Variants in ALK observed in about 807,000 individuals in gnomAD.
The protein encoded by ALK is ALK receptor tyrosine kinase, also known as ALK tyrosine kinase receptor.
ALK carries 74 observed loss-of-function variants against 163.1 expected under a neutral mutation model. The observed-to-expected ratio is 0.45, with a 90% CI of 0.38 to 0.55. The LOEUF (loss-of-function observed/expected upper bound fraction) is 0.55. Ranked by LOEUF, ALK falls within the 20% of genes least tolerant of loss-of-function variation. The probability of loss-of-function intolerance (pLI) is 0.00; values close to 1 mark genes in which losing one functional copy is unlikely to be tolerated. For synonymous variants in ALK, 960 were observed against 843.2 expected (o/e 1.14, Z -2.40); for missense variants, 2,063 against 2,105.3 (o/e 0.98, Z 0.39).
chr2:29,715,349 G>T (rs536517196), intron 2 of ALK, among the ~76,000 whole-genome samples: 2 of 152,182 alleles, frequency 1.3e-5, no homozygotes, highest in Admixed American at 1.3e-4. Flanking sequence ...TGCCAAGAAG[G>T]GAAATCATGA....
At chr2:29,302,479 T>C (rs11127214) in intron 8 of ALK, among the ~76,000 whole-genome samples, 112,937 of 151,912 alleles carry the variant, frequency 0.74, 43,057 homozygotes, top group East Asian at 0.85. Context: ...GATTGCATCA[T>C]TGCACTCCAG....
At chr2:29,374,336 G>A (rs1207146057) in intron 5 of ALK, among the ~76,000 whole-genome samples, 4 of 151,872 alleles carry the variant, frequency 2.6e-5, no homozygotes, top group Admixed American at 6.6e-5. Flanking sequence ...GGTGGTGAGC[G>A]ATGGAGCTGG....
chr2:29,267,494 G>C (rs537625349), intron 11 of ALK, among the ~76,000 whole-genome samples: 1 of 152,212 alleles, frequency 6.6e-6, no homozygotes, highest in South Asian at 2.1e-4. Context: ...TACACACTTT[G>C]GCCTCCTCAT....
At chr2:29,906,807 C>T (rs140157040) in intron 1 of ALK, among the ~76,000 whole-genome samples, 213 of 152,230 alleles carry the variant, frequency 1.4e-3, no homozygotes, top group African/African-American at 4.8e-3. Context: ...TAGCTGTTAT[C>T]ATTAAATTAC....
At position 29,471,950 on chromosome 2, in the gene ALK, C is replaced by T. The variant is rs1198163738; in HGVS notation, c.1154+59965G>A. Among the ~76,000 whole-genome samples the T allele has an allele frequency of 2.0e-5, 3 of 152,248 alleles. No individual in the cohort carries two copies. The East Asian group carries it at 5.8e-4, about 29-fold the overall frequency. On this transcript the variant is annotated intron_variant, in intron 4 of 28. Transcript: ENST00000389048. Reference sequence around the variant, plus strand: ...TAGAGATGGGGTTTTACCATGTTGGCCAGGCTGGCCTCAAACTCCTGACCT... The same window carrying T: ...TAGAGATGGGGTTTTACCATGTTGGTCAGGCTGGCCTCAAACTCCTGACCT...
intron 1 of ALK, chr2:29,892,330 G>T (rs1168992690): frequency 6.6e-6 from 1 of 152,210 alleles, no homozygotes; most frequent in Non-Finnish European, 1.5e-5. Context: ...CTGAAGAAGA[G>T]CAGCAGCCAT....
chr2:29,823,195 C>T (rs1665098123), intron 1 of ALK, among the ~76,000 whole-genome samples: 1 of 152,180 alleles, frequency 6.6e-6, no homozygotes, highest in Non-Finnish European at 1.5e-5. Context: ...TGATTTGCTC[C>T]TGCTTGCCTT....
intron 3 of ALK, among the ~76,000 whole-genome samples, chr2:29,641,924 C>T (rs905765680): frequency 1.3e-5 from 2 of 152,152 alleles, no homozygotes; most frequent in African/African-American, 4.8e-5. Context: ...TTTGTGGTTT[C>T]CAAACCCAGG....
At chr2:29,386,930 C>T (rs77591536) in intron 4 of ALK, among the ~76,000 whole-genome samples, 3,105 of 152,298 alleles carry the variant, frequency 0.02, 64 homozygotes, top group African/African-American at 0.044. Context: ...TGCTTACACC[C>T]AAGTGGTCAC....
intron 4 of ALK, among the ~76,000 whole-genome samples, chr2:29,387,445 A>G (rs1669058528): frequency 6.6e-6 from 1 of 152,208 alleles, no homozygotes; most frequent in South Asian, 2.1e-4. Flanking sequence ...GTGAATATCA[A>G]GGTCCATTTC....
Position 29,222,428 on chromosome 2 carries a change from G to A in ALK, c.3451-20C>T, listed in dbSNP as rs1225272641. On this transcript the variant is annotated intron_variant, in intron 21 of 28. Coordinates refer to ENST00000389048, the MANE Select transcript of ALK (RefSeq NM_004304.5). ...CAGCGTCTGGGCAGAGAAGGGGAGG[G>A]TGGGGAGGAGGAGGAGGCTGTGAGC... The A allele has an allele frequency of 2.9e-5, 46 of 1,613,772 alleles. No individual in the cohort carries two copies. The Middle Eastern group carries it at 6.6e-4, about 23-fold the overall frequency.
rs565628214 is a variant in ALK at position 29,576,815 on chromosome 2, G to T, written c.953-44699C>A. ...CACATTCGGGGGATCTAGGTTGCATGCTCCTTATGAGAATCTAATGCCTGA... is the reference window on the plus strand; with the variant it reads ...CACATTCGGGGGATCTAGGTTGCATTCTCCTTATGAGAATCTAATGCCTGA... On this transcript the variant is annotated intron_variant, in intron 3 of 28. Coordinates refer to ENST00000389048, the MANE Select transcript of ALK (RefSeq NM_004304.5). Among the ~76,000 whole-genome samples the T allele has an allele frequency of 2.0e-5, 3 of 151,974 alleles. No individual in the cohort carries two copies. In the East Asian group the frequency reaches 5.8e-4, roughly 29 times the overall value.
At chr2:29,795,490 T>A (rs1664285832) in intron 1 of ALK, among the ~76,000 whole-genome samples, 1 of 152,136 alleles carries the variant, frequency 6.6e-6, no homozygotes, top group Non-Finnish European at 1.5e-5. Context: ...CCAAGAAAAT[T>A]ACCTGTTATA....
chr2:29,397,578 G>C (rs1029027966), intron 4 of ALK, among the ~76,000 whole-genome samples: 2 of 152,198 alleles, frequency 1.3e-5, no homozygotes, highest in Non-Finnish European at 2.9e-5. Context: ...AACTTTAAAA[G>C]TATTTTTGCA....
intron 1 of ALK, among the ~76,000 whole-genome samples, chr2:29,776,505 A>C (rs1681180979): frequency 6.6e-6 from 1 of 152,180 alleles, no homozygotes; most frequent in African/African-American, 2.4e-5. Context: ...TCAGAGGGCT[A>C]ATTTGTCCCT....
chr2:29,374,662 G>A (rs1281085512), intron 5 of ALK, among the ~76,000 whole-genome samples: 3 of 152,166 alleles, frequency 2.0e-5, no homozygotes, highest in Admixed American at 6.6e-5. Context: ...TGGAGGGTGC[G>A]CTGCAGGGGG....
Position 29,576,178 on chromosome 2 carries a change from G to A in ALK, c.953-44062C>T, listed in dbSNP as rs74350170. Among the ~76,000 whole-genome samples, 70 of 152,324 alleles carry A rather than the reference G, an allele frequency of 4.6e-4. No individual in the cohort carries two copies. In the East Asian group the frequency reaches 0.013, roughly 28 times the overall value. On this transcript the variant is annotated intron_variant, in intron 3 of 28. Transcript: ENST00000389048. ...ACATTTTTGAGACTAAGAAATGAAT[G>A]AAGCAGAGAGCTAGGATGTGCTGAA...
intron 11 of ALK, among the ~76,000 whole-genome samples, chr2:29,273,112 T>G (rs75376200): frequency 0.052 from 7,943 of 152,362 alleles, 247 homozygotes; most frequent in Middle Eastern, 0.078. Context: ...GTAGAAGCTC[T>G]GAGCTTGGGC....
At chr2:29,912,851 T>C (rs914741230) in intron 1 of ALK, among the ~76,000 whole-genome samples, 1 of 152,166 alleles carries the variant, frequency 6.6e-6, no homozygotes, top group African/African-American at 2.4e-5. Flanking sequence ...ACTTTACTTA[T>C]CTGGGCTTAA....
Sources: gnomAD v4.1 joint callset for allele counts (sites outside exome capture counted in the v4.1 genomes callset) on GRCh38, gnomAD v4.1.1 for gene constraint, MANE v1.5 for transcripts, NCBI Gene and HGNC (gene_info 2026-07-23, HGNC 2026-07-21) for gene names.